The following PKHD1L1 variants were observed in gnomAD, a reference collection of about 807,000 sequenced individuals.
PKHD1L1 encodes fibrocystin-L.
A neutral mutation model predicts 462.9 loss-of-function variants in PKHD1L1; 434 were observed. The observed-to-expected ratio is 0.94, with a 90% CI of 0.87 to 1.02. The LOEUF (loss-of-function observed/expected upper bound fraction) is 1.02, where lower values mean the gene tolerates loss of function less well. PKHD1L1 is among the 50% of genes least tolerant of loss of function. PKHD1L1 has a pLI of 0.00. For missense variants in PKHD1L1, 5,202 were observed against 5,096.1 expected (o/e 1.02, Z -0.63); for synonymous variants, 1,781 against 1,750.0 (o/e 1.02, Z -0.44).
At chr8:109,474,645 A>G (rs1369226090) in intron 50 of PKHD1L1, among the ~76,000 whole-genome samples, 3 of 152,192 alleles carry the variant, frequency 2.0e-5, no homozygotes, top group African/African-American at 7.2e-5. Context: ...AAACTCTAAT[A>G]AAGAATCAGA....
intron 59 of PKHD1L1, 50 bp downstream of exon 59, chr8:109,486,871 A>G: frequency 5.4e-6 from 8 of 1,478,342 alleles, no homozygotes; most frequent in Non-Finnish European, 7.4e-6. Context: ...ACATTATCTC[A>G]TCTATATGTA....
intron 67 of PKHD1L1, among the ~76,000 whole-genome samples, chr8:109,500,690 A>G (rs1376190083): frequency 6.6e-6 from 1 of 150,434 alleles, no homozygotes; most frequent in Non-Finnish European, 1.5e-5. Flanking sequence ...AAAAAAAAAA[A>G]AAAAAAAAAG....
In PKHD1L1 at chr8:109,404,543, C is replaced by G. The variant is rs940198908; in HGVS notation, c.1374-11C>G. Reference sequence around the variant, plus strand: ...AAAAAAGTTATATTCATTAGTTACTCTATTTTCCAGATACTATATTGAAAT... The same window carrying G: ...AAAAAAGTTATATTCATTAGTTACTGTATTTTCCAGATACTATATTGAAAT... On this transcript the variant is annotated splice_polypyrimidine_tract_variant and intron_variant, in intron 14 of 77. Transcript: ENST00000378402. 2 of 1,489,620 alleles carry G rather than the reference C, an allele frequency of 1.3e-6. No individual in the cohort carries two copies. The highest frequency in any genetic ancestry group is 2.8e-5 in the African/African-American group (2 of 70,470). The allele number at this position is 1,489,620 out of a possible 1,614,324, so 92.3% of individuals were successfully genotyped here. A position where few individuals can be genotyped will look rare whatever the true frequency, so the allele number is the denominator to read the frequency against.
At chr8:109,504,110 C>T (rs949379423) in intron 67 of PKHD1L1, among the ~76,000 whole-genome samples, 1 of 152,128 alleles carries the variant, frequency 6.6e-6, no homozygotes, top group East Asian at 1.9e-4. Flanking sequence ...CATGGCCAAG[C>T]CCGGAGAAAA....
chr8:109,406,099 A>T (rs909686522), intron 16 of PKHD1L1, among the ~76,000 whole-genome samples: 5 of 152,234 alleles, frequency 3.3e-5, no homozygotes, highest in African/African-American at 1.2e-4. Context: ...TACTGTGGGA[A>T]TATTAAAACA....
At position 109,444,752 on chromosome 8, in the gene PKHD1L1, G is replaced by T; in HGVS notation, c.4883G>T (p.Gly1628Val). The change falls in exon 38 of 78, where the codon GGT (glycine) becomes GTT (valine). Residue 1628 changes from glycine to valine, a missense_variant. Physicochemically the swap from Gly to Val is moderately radical, Grantham distance 109. Transcript: ENST00000378402. ...HIDPQNSMDV[G>V]IRETVTLTVY... is the part of the protein sequence containing the mutation. The stretch of plus-strand genomic sequence containing the variant: ...GACCCTCAAAACTCAATGGATGTTG[G>T]TATCAGGGAAACTGTCACTTTGACT... 1.9e-6 allele frequency: 3 copies of T among 1,613,946 alleles called. No individual in the cohort carries two copies. The highest frequency in any genetic ancestry group is 2.5e-6 in the Non-Finnish European group (3 of 1,179,856).
At position 109,444,883 on chromosome 8, in the gene PKHD1L1, A is replaced by ACAGGAATGACAAG; in HGVS notation, c.5016_5028dup (p.Val1677ArgfsTer29). The ACAGGAATGACAAG allele has an allele frequency of 6.2e-7, 1 of 1,614,040 alleles. No homozygotes were observed. The highest frequency in any genetic ancestry group is 1.3e-5 in the African/African-American group (1 of 75,060). On this transcript the variant is annotated frameshift_variant, in exon 38 of 78. Coordinates refer to ENST00000378402, the MANE Select transcript of PKHD1L1 (RefSeq NM_177531.6). LOFTEE classifies it high-confidence loss of function. ...GGTGTTGCCAAATGCAGGATCAACTACAGGAATGACAAGCGTGACCATAAA... is the reference window on the plus strand; with the variant it reads ...GGTGTTGCCAAATGCAGGATCAACTACAGGAATGACAAGCAGGAATGACAAGCGTGACCATAAA...
At chr8:109,441,083 G>A (rs948429902) in intron 33 of PKHD1L1, among the ~76,000 whole-genome samples, 192 bp from the exon 34 acceptor site, 3 of 152,030 alleles carry the variant, frequency 2.0e-5, no homozygotes, top group African/African-American at 7.2e-5. Context: ...GAGTGGAGGA[G>A]TTTTTCCGCA....
chr8:109,450,839 C>A, intron 40 of PKHD1L1, 136 bp from the exon 41 acceptor site: 1 of 820,064 alleles, frequency 1.2e-6, no homozygotes, highest in Non-Finnish European at 1.8e-6. Context: ...CACTATTATT[C>A]ACATGTAGCC....
At chr8:109,432,488 G>T (rs1473244033) in intron 27 of PKHD1L1, among the ~76,000 whole-genome samples, 1 of 151,942 alleles carries the variant, frequency 6.6e-6, no homozygotes. Context: ...ATATATATAT[G>T]ATTTGTTATA....
intron 40 of PKHD1L1, 143 bp downstream of exon 40, chr8:109,449,630 G>A (rs1209435551): frequency 1.6e-5 from 10 of 607,838 alleles, no homozygotes; most frequent in Non-Finnish European, 2.0e-5. Context: ...AATTTCTTCA[G>A]GACATTTTCT....
chr8:109,427,753 C>T (rs755851149), intron 25 of PKHD1L1, among the ~76,000 whole-genome samples: 4 of 151,952 alleles, frequency 2.6e-5, no homozygotes, highest in Non-Finnish European at 5.9e-5. Flanking sequence ...CAGCCAGGCA[C>T]AGTGGCTCAT....
rs1049647511 is a variant in PKHD1L1, at chr8:109,536,349, G to A, written c.*6259G>A. On this transcript the variant is annotated 3_prime_UTR_variant, in exon 78 of 78. Coordinates refer to ENST00000378402, the MANE Select transcript of PKHD1L1 (RefSeq NM_177531.6). ...AGTTGTTCAAGGTCAAAGTCACGAT[G>A]TCCATCATGCTGTAGCTCAATGAAT... 2.0e-5 allele frequency among the ~76,000 whole-genome samples: 3 copies of A among 152,216 alleles called. No homozygotes were observed. The highest frequency in any genetic ancestry group is 6.5e-5 in the Admixed American group (1 of 15,290).
intron 32 of PKHD1L1, among the ~76,000 whole-genome samples, 186 bp downstream of exon 32, chr8:109,439,278 A>G (rs1380686281): frequency 6.6e-6 from 1 of 152,162 alleles, no homozygotes; most frequent in Non-Finnish European, 1.5e-5. Flanking sequence ...TTTTGAGACC[A>G]ATACCATTCA....
At chr8:109,457,440 G>C (rs149628577) in intron 46 of PKHD1L1, among the ~76,000 whole-genome samples, 1 of 152,196 alleles carries the variant, frequency 6.6e-6, no homozygotes, top group East Asian at 1.9e-4. Context: ...GTTTAGAATA[G>C]GGCTATTTAG....
At position 109,470,417 on chromosome 8, in the gene PKHD1L1, C is replaced by A. The variant is rs1817659904; in HGVS notation, c.8605+3648C>A. On this transcript the variant is annotated intron_variant, in intron 50 of 77. Transcript: ENST00000378402. ...TGGAGAGAACAAAGCAAAGAAAAAA[C>A]TGATAAGAAAGGCAAATCAAAATGT... The A allele has an allele frequency of 6.9e-6, 11 of 1,597,040 alleles. No individual in the cohort carries two copies. In the South Asian group the frequency reaches 1.0e-4, roughly 15 times the overall value.
At chr8:109,518,540 T>C in intron 73 of PKHD1L1, 32 bp downstream of exon 73, 3 of 1,522,918 alleles carry the variant, frequency 2.0e-6, no homozygotes, top group Non-Finnish European at 2.7e-6. Context: ...GATGGAGGAA[T>C]GCAATTACCA....
In PKHD1L1 at chr8:109,475,224, T is replaced by C. The variant is rs1436702066; in HGVS notation, c.8712T>C (p.Asp2904=). ...TTAACTGGTATTTTAAAGGTGTGGA[T>C]CACATAACCAACATTTCATATACAT... The part of the protein sequence containing the change: ...NHINWYFKGV[D]HITNISYTST... Residue 2904 remains aspartate, a synonymous_variant, in exon 51 of 78, where the codon GAT becomes GAC. Transcript: ENST00000378402. The C allele has an allele frequency of 1.2e-6, 2 of 1,611,478 alleles. No homozygotes were observed. Among genetic ancestry groups the C allele is most frequent in the Non-Finnish European group, 1.7e-6 (2 of 1,178,436 alleles).
intron 56 of PKHD1L1, among the ~76,000 whole-genome samples, chr8:109,482,674 A>G (rs1195370640): frequency 2.6e-5 from 4 of 151,742 alleles, no homozygotes; most frequent in African/African-American, 9.7e-5. Context: ...AGTAAACTTT[A>G]TTCCATCCTT....
Sources: gnomAD v4.1 joint callset for allele counts (sites outside exome capture counted in the v4.1 genomes callset) on GRCh38, gnomAD v4.1.1 for gene constraint, MANE v1.5 for transcripts, NCBI Gene and HGNC (gene_info 2026-07-23, HGNC 2026-07-21) for gene names.